Variants in OLFM3 observed in about 807,000 individuals in gnomAD.
OLFM3 encodes the protein noelin-3.
OLFM3 carries 20 observed loss-of-function variants against 48.6 expected under a neutral mutation model. That is an observed-to-expected ratio of 0.41 (90% CI 0.29 to 0.60). OLFM3 has a LOEUF of 0.60. Ranked by LOEUF, OLFM3 falls within the 20% of genes least tolerant of loss-of-function variation. OLFM3 has a pLI of 0.28. For synonymous variants in OLFM3, 222 were observed against 198.1 expected, an observed-to-expected ratio of 1.12 and a Z score of -1.01; for missense variants, 437 against 544.3, an observed-to-expected ratio of 0.80 and a Z score of 1.96.
intron 1 of OLFM3, among the ~76,000 whole-genome samples, chr1:101,895,410 A>AAC (rs1380120011): frequency 1.2e-4 from 14 of 118,752 alleles, no homozygotes; most frequent in African/African-American, 4.3e-4. Context: ...AAAGCTCAAG[A>AAC]ATACACACAC....
At chr1:101,955,411 C>T (rs1267971182) in intron 1 of OLFM3, among the ~76,000 whole-genome samples, 2 of 152,002 alleles carry the variant, frequency 1.3e-5, no homozygotes, top group East Asian at 3.9e-4. Flanking sequence ...CATCTTTAAC[C>T]TTTCTTGCTT....
chr1:101,969,515 A>G (rs1660720764), intron 1 of OLFM3, among the ~76,000 whole-genome samples: 1 of 152,096 alleles, frequency 6.6e-6, no homozygotes, highest in Admixed American at 6.6e-5. Flanking sequence ...GGTACTCAAT[A>G]AAGATTTAAA....
intron 1 of OLFM3, among the ~76,000 whole-genome samples, chr1:101,949,948 A>T (rs1272303633): frequency 4.0e-5 from 6 of 149,102 alleles, no homozygotes; most frequent in Non-Finnish European, 7.4e-5. Flanking sequence ...AAAAAAAAAA[A>T]GCCTCTGATG....
intron 1 of OLFM3, among the ~76,000 whole-genome samples, chr1:101,971,840 G>A (rs1234259538): frequency 6.6e-6 from 1 of 151,866 alleles, no homozygotes; most frequent in Admixed American, 6.6e-5. Flanking sequence ...TTTTTTGTTT[G>A]TAGTTTATGT....
chr1:101,886,663 A>G (rs1004447881), intron 1 of OLFM3, among the ~76,000 whole-genome samples: 1 of 152,090 alleles, frequency 6.6e-6, no homozygotes, highest in Non-Finnish European at 1.5e-5. Context: ...CTGCGGTTGC[A>G]TGAAAGACCT....
intron 1 of OLFM3, among the ~76,000 whole-genome samples, chr1:101,948,840 AT>A (rs1660035933): frequency 6.8e-6 from 1 of 147,920 alleles, no homozygotes; most frequent in Non-Finnish European, 1.5e-5. Context: ...TATACATAAT[AT>A]TATGTATTTT....
At chr1:101,871,095 T>C (rs1267372542) in intron 1 of OLFM3, among the ~76,000 whole-genome samples, 1 of 152,142 alleles carries the variant, frequency 6.6e-6, no homozygotes, top group African/African-American at 2.4e-5. Context: ...TAGTTTAGTT[T>C]TATATTTATC....
intron 1 of OLFM3, among the ~76,000 whole-genome samples, chr1:101,975,907 C>T (rs924751374): frequency 2.0e-4 from 31 of 151,318 alleles, no homozygotes; most frequent in African/African-American, 6.1e-4. Flanking sequence ...AGAAAGAGCA[C>T]GAAAGAAAAG....
chr1:101,856,800 G>A (rs1656441583), intron 1 of OLFM3, among the ~76,000 whole-genome samples: 1 of 152,056 alleles, frequency 6.6e-6, no homozygotes. Context: ...ACAGCCTTCT[G>A]AGTATTTCAT....
chr1:101,936,647 C>T (rs1457527386), intron 1 of OLFM3, among the ~76,000 whole-genome samples: 1 of 152,052 alleles, frequency 6.6e-6, no homozygotes, highest in African/African-American at 2.4e-5. Flanking sequence ...CTTGAATACC[C>T]ATGGCAATCT....
chr1:101,804,380 A>G lies in OLFM3; in HGVS notation c.1235T>C (p.Ile412Thr). 1 of 1,612,524 alleles carries G rather than the reference A, an allele frequency of 6.2e-7. No individual in the cohort carries two copies. The highest frequency in any genetic ancestry group is 8.5e-7 in the Non-Finnish European group (1 of 1,178,932). Residue 412 changes from isoleucine (I) to threonine (T), a missense_variant, in exon 6 of 6, where the codon ATT (isoleucine) becomes ACT (threonine). Ile to Thr is a moderately conservative substitution (Grantham distance 89). Coordinates refer to ENST00000370103, the MANE Select transcript of OLFM3 (RefSeq NM_058170.4). The surrounding 1 kb of genome is among the most constrained non-coding windows in gnomAD (Gnocchi z 4.5). ...TKTSTYEYTD[I>T]PFHNQYFHIS... ...GTGAAAGTATTGGTTATGGAAGGGA[A>G]TGTCTGTGTACTCATATGTGGAGGT...
intron 1 of OLFM3, chr1:101,882,870 C>G (rs1394184392): frequency 6.6e-6 from 1 of 151,832 alleles, no homozygotes; most frequent in Non-Finnish European, 1.5e-5. Context: ...AGCCTGATCA[C>G]CTGTTTTACA....
intron 1 of OLFM3, among the ~76,000 whole-genome samples, chr1:101,970,477 C>T (rs1660750340): frequency 6.6e-6 from 1 of 152,166 alleles, no homozygotes; most frequent in African/African-American, 2.4e-5. Flanking sequence ...TTCTTTCTCC[C>T]TTTCATCTAC....
At chr1:101,953,045 G>A (rs968807982) in intron 1 of OLFM3, among the ~76,000 whole-genome samples, 36 of 152,066 alleles carry the variant, frequency 2.4e-4, no homozygotes, top group Non-Finnish European at 1.2e-4. Flanking sequence ...AAAAATGCAT[G>A]CTAGTTTCCA....
intron 1 of OLFM3, among the ~76,000 whole-genome samples, chr1:101,919,622 G>A (rs528489552): frequency 3.3e-5 from 5 of 152,232 alleles, no homozygotes; most frequent in Admixed American, 6.5e-5. Context: ...CTTAACCCGC[G>A]ATGATGGGGT....
intron 1 of OLFM3, among the ~76,000 whole-genome samples, chr1:101,991,447 T>C (rs1661409107): frequency 6.6e-6 from 1 of 152,150 alleles, no homozygotes; most frequent in Admixed American, 6.6e-5. Flanking sequence ...CTCGCTTTTT[T>C]CTTTATACAT....
chr1:101,818,265 A>G (rs1654431257), intron 4 of OLFM3, among the ~76,000 whole-genome samples: 1 of 152,136 alleles, frequency 6.6e-6, no homozygotes, highest in Non-Finnish European at 1.5e-5. Flanking sequence ...TATATTATTA[A>G]GAGGCTCATA....
At chr1:101,837,254 A>G (rs1355824749) in intron 1 of OLFM3, among the ~76,000 whole-genome samples, 1 of 152,212 alleles carries the variant, frequency 6.6e-6, no homozygotes, top group Non-Finnish European at 1.5e-5. Flanking sequence ...TTCAGGTGCC[A>G]TATTAGTAAC....
intron 4 of OLFM3, among the ~76,000 whole-genome samples, chr1:101,823,575 G>A (rs1211797969): frequency 2.0e-5 from 3 of 151,968 alleles, no homozygotes. Flanking sequence ...CACACATGAA[G>A]GGTCACATAA....
Sources: allele counts gnomAD v4.1 joint callset (sites outside exome capture counted in the v4.1 genomes callset), GRCh38; gene constraint gnomAD v4.1.1; non-coding constraint Gnocchi (gnomAD v3.1); transcripts MANE v1.5; gene names NCBI Gene and HGNC (gene_info 2026-07-23, HGNC 2026-07-21).